GALNT15: variants seen among roughly 807,000 people sequenced by gnomAD.
GALNT15 encodes UDP-GalNAc transferase T15.
In GALNT15, 67 loss-of-function variants were observed where a neutral mutation model predicts 66.8. The observed-to-expected ratio is 1.00, with a 90% CI of 0.82 to 1.23. GALNT15 has a LOEUF of 1.23. Ranked by LOEUF, GALNT15 falls within the 50% of genes most tolerant of loss-of-function variation. The probability of loss-of-function intolerance (pLI) is 0.00; values close to 1 mark genes in which losing one functional copy is unlikely to be tolerated. For missense variants in GALNT15, 827 were observed against 804.3 expected (o/e 1.03, Z -0.34); for synonymous variants, 313 against 311.5 (o/e 1.00, Z -0.05).
the GALNT15 span, among the ~76,000 whole-genome samples, chr3:16,245,511 T>G: frequency 6.6e-6 from 1 of 152,276 alleles, no homozygotes; most frequent in Non-Finnish European, 1.5e-5. Flanking sequence ...GGGCTGGTCC[T>G]ACATCCTAAA....
Position 16,184,707 on chromosome 3 carries a change from A to G in GALNT15, c.539+9017A>G, listed in dbSNP as rs2063501174. Reference sequence around the variant, plus strand: ...CTTCATTTTGCCGGTTATCCCAAGAAGCACGGGTAGGGGCTCAGGAAAGCG... The same window carrying G: ...CTTCATTTTGCCGGTTATCCCAAGAGGCACGGGTAGGGGCTCAGGAAAGCG... On this transcript the variant is annotated intron_variant, in intron 1 of 9. Transcript: ENST00000339732. This position sits in a 1 kb window ranked among gnomAD's most constrained non-coding sequence, Gnocchi z 5.0. Among the ~76,000 whole-genome samples, 1 of 152,222 alleles carries G rather than the reference A, an allele frequency of 6.6e-6. No homozygotes were observed. Among genetic ancestry groups the G allele is most frequent in the Admixed American group, 6.5e-5 (1 of 15,282 alleles).
downstream of GALNT15, chr3:16,231,760 C>T (rs113438966): frequency 1.6e-5 from 23 of 1,479,758 alleles, no homozygotes; most frequent in African/African-American, 1.9e-4. The surrounding 1 kb of genome is among the most constrained non-coding windows in gnomAD (Gnocchi z 4.1). Context: ...AGTCCTTCCT[C>T]TCTCTCTCCC....
downstream of GALNT15, chr3:16,232,087 A>C (rs1047543889): frequency 2.3e-6 from 2 of 860,996 alleles, no homozygotes; most frequent in Non-Finnish European, 3.3e-6. Flanking sequence ...ATTATCCAAA[A>C]TTCTCCAAAA....
At chr3:16,185,760 TA>T (rs1559676537) in intron 1 of GALNT15, among the ~76,000 whole-genome samples, 4 of 132,672 alleles carry the variant, frequency 3.0e-5, no homozygotes, top group African/African-American at 8.3e-5. Context: ...GATAGATAGA[TA>T]GATAGATAGA....
chr3:16,212,914 C>G, intron 6 of GALNT15, 151 bp downstream of exon 6: 1 of 665,512 alleles, frequency 1.5e-6, no homozygotes, highest in Admixed American at 2.9e-5. Context: ...AGTGGCTCCT[C>G]CACCTGGTGA....
chr3:16,208,611 C>T lies in GALNT15; in HGVS notation c.1020C>T (p.His340=), dbSNP rs1159708382. The T allele has an allele frequency of 1.2e-6, 2 of 1,614,042 alleles. No individual in the cohort carries two copies. Among genetic ancestry groups the T allele is most frequent in the African/African-American group, 2.7e-5 (2 of 74,916 alleles). ...RGVLDWKLDF[H]WEPLPEHVRK... ...TGTTGGACTGGAAGCTGGATTTCCA[C>T]TGGGAACCTTTGCCAGAGCATGTGA... Residue 340 remains histidine, a synonymous_variant, in exon 4 of 10, where the codon CAC becomes CAT. Transcript: ENST00000339732.
intron 1 of GALNT15, among the ~76,000 whole-genome samples, chr3:16,185,361 T>C (rs530305953): frequency 1.3e-5 from 2 of 152,296 alleles, no homozygotes; most frequent in Non-Finnish European, 2.9e-5. Context: ...TGAAGGAAAG[T>C]ATTTTGTGGC....
chr3:16,175,685 C>A lies in GALNT15; in HGVS notation c.534C>A (p.His178Gln). Reference protein sequence around the residue: ...PLQRALPEVRHPLCLQQHPQD... With the variant: ...PLQRALPEVRQPLCLQQHPQD... Reference sequence around the variant, plus strand: ...AGAGGGCTCTGCCCGAGGTGCGGCACCCACTGTAAGTAAGGCCCTTGTTTT... The same window carrying A: ...AGAGGGCTCTGCCCGAGGTGCGGCAACCACTGTAAGTAAGGCCCTTGTTTT... Residue 178 changes from histidine to glutamine, a missense_variant, in exon 1 of 10, where the codon CAC becomes CAA. By Grantham distance (24) the His-to-Gln change is conservative (BLOSUM62 0). Coordinates refer to ENST00000339732, the MANE Select transcript of GALNT15 (RefSeq NM_054110.5). The surrounding 1 kb of genome is among the most constrained non-coding windows in gnomAD (Gnocchi z 5.6). 1.3e-6 allele frequency: 2 copies of A among 1,580,546 alleles called. No individual in the cohort carries two copies. The highest frequency in any genetic ancestry group is 1.1e-5 in the South Asian group (1 of 87,716).
intron 6 of GALNT15, among the ~76,000 whole-genome samples, chr3:16,214,079 A>G (rs1293445892): frequency 6.6e-6 from 1 of 152,242 alleles, no homozygotes; most frequent in East Asian, 1.9e-4. Flanking sequence ...GGTTAGTCAC[A>G]CTATTAAACA....
At chr3:16,217,467 C>T (rs931924203) in intron 6 of GALNT15, among the ~76,000 whole-genome samples, 1 of 152,190 alleles carries the variant, frequency 6.6e-6, no homozygotes, top group African/African-American at 2.4e-5. Context: ...TCCTACTTCC[C>T]TGAAGGTATT....
Position 16,186,302 on chromosome 3 carries a change from G to A in GALNT15, c.540-9458G>A, listed in dbSNP as rs1234343187. On this transcript the variant is annotated intron_variant, in intron 1 of 9. Transcript: ENST00000339732. This position sits in a 1 kb window ranked among gnomAD's most constrained non-coding sequence, Gnocchi z 5.1. ...TAAAAGACAGTGCAAGTGCTGACAA[G>A]GATGTGGAGAAATTGGAACCCTCAC... 6.6e-6 allele frequency among the ~76,000 whole-genome samples: 1 copy of A among 152,230 alleles called. No individual in the cohort carries two copies. The highest frequency in any genetic ancestry group is 6.5e-5 in the Admixed American group (1 of 15,290).
At position 16,219,342 on chromosome 3, in the gene GALNT15, C is replaced by T. The variant is rs1430531569; in HGVS notation, c.1393-61C>T. The T allele has an allele frequency of 1.9e-6, 3 of 1,595,882 alleles. No homozygotes were observed. Among genetic ancestry groups the T allele is most frequent in the South Asian group, 1.2e-5 (1 of 86,944 alleles). On this transcript the variant is annotated intron_variant, in intron 6 of 9. Transcript: ENST00000339732. This position sits in a 1 kb window ranked among gnomAD's most constrained non-coding sequence, Gnocchi z 4.3. ...TTCTTCCCAGCCACTCCATCCCCAA[C>T]CATGTGAATTCTGGGCAAGACAAGC...
At chr3:16,194,224 G>T (rs1340558358) in intron 1 of GALNT15, among the ~76,000 whole-genome samples, 1 of 152,180 alleles carries the variant, frequency 6.6e-6, no homozygotes, top group Non-Finnish European at 1.5e-5. Flanking sequence ...AGATGAATGT[G>T]CAGTGATATA....
At position 16,222,762 on chromosome 3, in the gene GALNT15, A is replaced by G. The variant is rs765452230; in HGVS notation, c.1773+4A>G. Reference sequence around the variant, plus strand: ...GCAGCACTGGGACTTCCAGGAGGTGAGTAATCTGTTCAGGAAGAGCCTGGT... The same window carrying G: ...GCAGCACTGGGACTTCCAGGAGGTGGGTAATCTGTTCAGGAAGAGCCTGGT... On this transcript the variant is annotated splice_donor_region_variant and intron_variant, in intron 9 of 9. Transcript: ENST00000339732. 2 of 1,613,936 alleles carry G rather than the reference A, an allele frequency of 1.2e-6. No individual in the cohort carries two copies. Among genetic ancestry groups the G allele is most frequent in the Non-Finnish European group, 1.7e-6 (2 of 1,179,982 alleles).
chr3:16,190,341 A>T (rs1182691257), intron 1 of GALNT15, among the ~76,000 whole-genome samples: 1 of 152,198 alleles, frequency 6.6e-6, no homozygotes, highest in Non-Finnish European at 1.5e-5. Flanking sequence ...ACTAGAAACA[A>T]AACAATCCCT....
At chr3:16,215,906 CAA>C (rs10611187) in intron 6 of GALNT15, among the ~76,000 whole-genome samples, 6,817 of 102,342 alleles carry the variant, frequency 0.067, 177 homozygotes, top group African/African-American at 0.1. Flanking sequence ...GAGACTCCGC[CAA>C]AAAAAAAAAA....
chr3:16,199,822 C>T (rs1559682271), intron 2 of GALNT15, among the ~76,000 whole-genome samples: 1 of 152,150 alleles, frequency 6.6e-6, no homozygotes, highest in Non-Finnish European at 1.5e-5. Context: ...GCAGCAGAGA[C>T]CGTTTTAATA....
At position 16,219,332 on chromosome 3, in the gene GALNT15, C is replaced by A. The variant is rs1231312196; in HGVS notation, c.1393-71C>A. 2 of 1,582,432 alleles carry A rather than the reference C, an allele frequency of 1.3e-6. No homozygotes were observed. Among genetic ancestry groups the A allele is most frequent in the African/African-American group, 2.7e-5 (2 of 74,494 alleles). On this transcript the variant is annotated intron_variant, in intron 6 of 9. Coordinates refer to ENST00000339732, the MANE Select transcript of GALNT15 (RefSeq NM_054110.5). This position sits in a 1 kb window ranked among gnomAD's most constrained non-coding sequence, Gnocchi z 4.3. ...ATCCTTTAGCTTCTTCCCAGCCACTCCATCCCCAACCATGTGAATTCTGGG... is the reference window on the plus strand; with the variant it reads ...ATCCTTTAGCTTCTTCCCAGCCACTACATCCCCAACCATGTGAATTCTGGG...
chr3:16,237,110 G>T, the GALNT15 span, among the ~76,000 whole-genome samples: 82 of 152,350 alleles, frequency 5.4e-4, no homozygotes, highest in African/African-American at 1.9e-3. This position sits in a 1 kb window ranked among gnomAD's most constrained non-coding sequence, Gnocchi z 4.2. Context: ...CTCTGGTGTA[G>T]GACAAAAGCA....
Sources: gnomAD v4.1 joint callset for allele counts (sites outside exome capture counted in the v4.1 genomes callset) on GRCh38, gnomAD v4.1.1 for gene constraint, Gnocchi (gnomAD v3.1) non-coding constraint, MANE v1.5 for transcripts, NCBI Gene and HGNC (gene_info 2026-07-23, HGNC 2026-07-21) for gene names.